The following FRMD4A variants were observed in gnomAD, a reference collection of about 807,000 sequenced individuals.
FRMD4A encodes FERM domain-containing protein 4A.
FRMD4A carries 29 observed loss-of-function variants against 129.1 expected under a neutral mutation model. The observed-to-expected ratio is 0.22, with a 90% CI of 0.17 to 0.31. FRMD4A has a LOEUF of 0.31. Ranked by LOEUF, FRMD4A falls within the 10% of genes least tolerant of loss-of-function variation. The pLI is 1.00. For synonymous variants in FRMD4A, 634 were observed against 571.6 expected, an observed-to-expected ratio of 1.11 and a Z score of -1.56; for missense variants, 1,272 against 1,375.8, an observed-to-expected ratio of 0.92 and a Z score of 1.19.
chr10:14,042,850 T>C (rs758027817), intron 2 of FRMD4A, among the ~76,000 whole-genome samples: 2 of 135,782 alleles, frequency 1.5e-5, no homozygotes, highest in African/African-American at 2.8e-5. Flanking sequence ...CCTGTAATCC[T>C]AGCTACTCGG....
At chr10:14,322,723 C>A (rs1348998127) in intron 2 of FRMD4A, among the ~76,000 whole-genome samples, 3 of 152,226 alleles carry the variant, frequency 2.0e-5, no homozygotes, top group Non-Finnish European at 4.4e-5. Context: ...TTGATACGAA[C>A]CACATGGTCT....
chr10:14,181,114 G>A (rs1280039984), intron 2 of FRMD4A, among the ~76,000 whole-genome samples: 1 of 152,106 alleles, frequency 6.6e-6, no homozygotes, highest in Non-Finnish European at 1.5e-5. Context: ...AGCAGTTCTT[G>A]CCTTTCCGAA....
At chr10:13,832,045 C>T (rs1164704282) in intron 3 of FRMD4A, among the ~76,000 whole-genome samples, 1 of 152,088 alleles carries the variant, frequency 6.6e-6, no homozygotes, top group African/African-American at 2.4e-5. Flanking sequence ...AAAATGAAAA[C>T]CCTGGCCTGG....
At chr10:13,848,506 G>A (rs184767799) in intron 3 of FRMD4A, among the ~76,000 whole-genome samples, 7 of 152,206 alleles carry the variant, frequency 4.6e-5, no homozygotes, top group African/African-American at 1.7e-4. Context: ...CAAAGAAGGG[G>A]TGTTGCCAGG....
intron 2 of FRMD4A, among the ~76,000 whole-genome samples, chr10:14,002,797 A>G (rs2095647084): frequency 1.3e-5 from 2 of 152,164 alleles, no homozygotes; most frequent in Admixed American, 1.3e-4. Context: ...TTCCTGTGGA[A>G]TTGGCTTTAG....
At chr10:13,829,300 A>G (rs1455665810) in intron 3 of FRMD4A, among the ~76,000 whole-genome samples, 1 of 152,148 alleles carries the variant, frequency 6.6e-6, no homozygotes, top group African/African-American at 2.4e-5. Flanking sequence ...CGAGGCAGGA[A>G]GACTCCTTGA....
chr10:14,219,391 A>G (rs1843175873), intron 2 of FRMD4A, among the ~76,000 whole-genome samples: 1 of 152,008 alleles, frequency 6.6e-6, no homozygotes, highest in Non-Finnish European at 1.5e-5. Flanking sequence ...GTAATCCACA[A>G]CCTCCCACAA....
At chr10:13,800,980 G>C (rs2093240148) in intron 4 of FRMD4A, among the ~76,000 whole-genome samples, 1 of 152,226 alleles carries the variant, frequency 6.6e-6, no homozygotes, top group South Asian at 2.1e-4. Flanking sequence ...CAGGTACAGT[G>C]GCTCATGCCT....
chr10:13,886,678 T>C (rs1447342934), intron 2 of FRMD4A, among the ~76,000 whole-genome samples: 1 of 152,096 alleles, frequency 6.6e-6, no homozygotes, highest in Non-Finnish European at 1.5e-5. Context: ...ACTCCTGAAC[T>C]CAAACAATCC....
chr10:14,136,390 T>C (rs1253214701), intron 2 of FRMD4A, among the ~76,000 whole-genome samples: 1 of 152,292 alleles, frequency 6.6e-6, no homozygotes, highest in Non-Finnish European at 1.5e-5. Context: ...ATTTCACCCT[T>C]GAAATGTAAA....
intron 15 of FRMD4A, among the ~76,000 whole-genome samples, chr10:13,686,402 G>A (rs376978242): frequency 6.6e-6 from 1 of 152,242 alleles, no homozygotes; most frequent in East Asian, 1.9e-4. Context: ...TCTGTTTGGA[G>A]AGATGTCAGA....
chr10:13,674,582 C>G (rs939579365), intron 16 of FRMD4A, among the ~76,000 whole-genome samples: 1 of 152,178 alleles, frequency 6.6e-6, no homozygotes, highest in Non-Finnish European at 1.5e-5. Context: ...ACCCTTTAAG[C>G]ATATTCTTTT....
chr10:13,917,306 G>A lies in FRMD4A; in HGVS notation c.46-58394C>T, dbSNP rs111371059. Among the ~76,000 whole-genome samples the A allele has an allele frequency of 2.2e-3, 248 of 113,686 alleles. 3 individuals carry two copies. The highest frequency in any genetic ancestry group is 3.3e-3 in the Admixed American group (32 of 9,828). The allele number at this position is 113,686 out of a possible 152,430, so 74.6% of individuals were successfully genotyped here. A position where few individuals can be genotyped will look rare whatever the true frequency, so the allele number is the denominator to read the frequency against. ...CAGATTTTTTTTTTTTTTTTGAGAT[G>A]GAGACTCGCTTTGTCGCCCAGTCTG... On this transcript the variant is annotated intron_variant, in intron 2 of 24. Transcript: ENST00000357447.
At chr10:14,177,046 T>C (rs1841754510) in intron 2 of FRMD4A, among the ~76,000 whole-genome samples, 1 of 152,222 alleles carries the variant, frequency 6.6e-6, no homozygotes, top group South Asian at 2.1e-4. Flanking sequence ...CATTATTTGC[T>C]TTTTTACTTT....
intron 2 of FRMD4A, among the ~76,000 whole-genome samples, chr10:14,281,789 A>G (rs1182800898): frequency 6.6e-6 from 1 of 152,234 alleles, no homozygotes; most frequent in African/African-American, 2.4e-5. Flanking sequence ...CTTCTGAGCC[A>G]AAACCACCTT....
chr10:13,921,407 G>A (rs2488565), intron 2 of FRMD4A, among the ~76,000 whole-genome samples: 124,117 of 151,962 alleles, frequency 0.82, 50,942 homozygotes, highest in Middle Eastern at 0.91. Context: ...GACCACAGGC[G>A]TGTGCCACCA....
At chr10:14,054,263 G>A (rs1331907650) in intron 2 of FRMD4A, among the ~76,000 whole-genome samples, 1 of 152,124 alleles carries the variant, frequency 6.6e-6, no homozygotes, top group East Asian at 1.9e-4. Flanking sequence ...TCTGGCCTTT[G>A]TATCTCACTA....
rs963306510 is a variant in FRMD4A, at chr10:13,646,478, C to T, written c.*560G>A. ...TATTTCAGGTGTAAACTGAATATGC[C>T]ACGAGGCCTCCTCTTCATGAAGTGC... On this transcript the variant is annotated 3_prime_UTR_variant, in exon 25 of 25. Coordinates refer to ENST00000357447, the MANE Select transcript of FRMD4A (RefSeq NM_018027.5). 1 of 152,256 alleles carries T rather than the reference C, an allele frequency of 6.6e-6. No homozygotes were observed. The highest frequency in any genetic ancestry group is 2.4e-5 in the African/African-American group (1 of 41,420). 9.4% of individuals were successfully genotyped at this position (152,256 alleles called of 1,614,324 possible).
At chr10:13,931,762 A>C (rs1263200300) in intron 2 of FRMD4A, among the ~76,000 whole-genome samples, 1 of 143,664 alleles carries the variant, frequency 7.0e-6, no homozygotes, top group Non-Finnish European at 1.5e-5. Context: ...ACATGGCAAA[A>C]TCTCATCTTT....
Sources: gnomAD v4.1 joint callset for allele counts (sites outside exome capture counted in the v4.1 genomes callset) on GRCh38, gnomAD v4.1.1 for gene constraint, MANE v1.5 for transcripts, NCBI Gene and HGNC (gene_info 2026-07-23, HGNC 2026-07-21) for gene names.